The following SRGAP2B variants were observed in gnomAD, a reference collection of about 807,000 sequenced individuals.
SRGAP2B encodes the protein SLIT-ROBO Rho GTPase-activating protein 2B.
A neutral mutation model predicts 22.2 loss-of-function variants in SRGAP2B; 9 were observed. That is an observed-to-expected ratio of 0.41 (90% CI 0.24 to 0.71). The LOEUF is 0.71. Among genes scored for constraint, SRGAP2B ranks in the 30% least tolerant of loss-of-function variants. The probability of loss-of-function intolerance (pLI) is 0.35; values close to 1 mark genes in which losing one functional copy is unlikely to be tolerated. For synonymous variants in SRGAP2B, 36 were observed against 87.4 expected, an observed-to-expected ratio of 0.41 and a Z score of 3.28; for missense variants, 114 against 235.8, an observed-to-expected ratio of 0.48 and a Z score of 3.38.
chr1:145,076,522 C>G (rs539565), intron 2 of SRGAP2B, among the ~76,000 whole-genome samples: 9 of 149,892 alleles, frequency 6.0e-5, no homozygotes, highest in Admixed American at 1.3e-4. Context: ...AGTCTTCAGA[C>G]ACTTGTGCTG....
intron 2 of SRGAP2B, among the ~76,000 whole-genome samples, chr1:145,081,414 G>A (rs587775022): frequency 2.7e-4 from 40 of 150,880 alleles, no homozygotes; most frequent in Non-Finnish European, 5.2e-4. Flanking sequence ...GAGACCTTAG[G>A]TGAGTTATCT....
chr1:144,925,700 G>T (rs1410811354), intron 4 of SRGAP2B, among the ~76,000 whole-genome samples: 1 of 140,928 alleles, frequency 7.1e-6, no homozygotes, highest in Non-Finnish European at 1.5e-5. Flanking sequence ...GGGGCAGAGA[G>T]AGAGAGAAAG....
chr1:144,964,579 G>C (rs4844447), intron 3 of SRGAP2B, among the ~76,000 whole-genome samples: 1 of 150,832 alleles, frequency 6.6e-6, no homozygotes, highest in Admixed American at 6.6e-5. Flanking sequence ...TCAAATTAGC[G>C]AGTTCAGGTC....
intron 2 of SRGAP2B, among the ~76,000 whole-genome samples, chr1:145,006,798 C>T (rs1163904525): frequency 2.0e-5 from 3 of 150,624 alleles, no homozygotes; most frequent in Non-Finnish European, 4.4e-5. Flanking sequence ...TTATTATGTG[C>T]CAAGTAGGCT....
At chr1:145,007,802 C>CTTTT (rs880001624) in intron 2 of SRGAP2B, among the ~76,000 whole-genome samples, 174 of 101,140 alleles carry the variant, frequency 1.7e-3, no homozygotes, top group African/African-American at 3.3e-3. Flanking sequence ...ATTTCTTCTT[C>CTTTT]TTTTTTTTTT....
At chr1:145,021,749 G>A (rs1363507114) in intron 2 of SRGAP2B, among the ~76,000 whole-genome samples, 2 of 149,208 alleles carry the variant, frequency 1.3e-5, no homozygotes, top group African/African-American at 5.1e-5. Flanking sequence ...AGGAGGCAGA[G>A]GTTGCCGTGA....
At chr1:145,083,191 G>A (rs1349305391) in intron 2 of SRGAP2B, among the ~76,000 whole-genome samples, 4 of 144,532 alleles carry the variant, frequency 2.8e-5, no homozygotes, top group Non-Finnish European at 5.9e-5. Context: ...AGGCTTCCTG[G>A]AGGGGTGGCA....
intron 2 of SRGAP2B, among the ~76,000 whole-genome samples, chr1:145,025,127 G>T (rs1647584313): frequency 2.9e-5 from 2 of 68,312 alleles, no homozygotes; most frequent in Admixed American, 3.3e-4. Context: ...GTCCTCAAGG[G>T]TTGCTCTGGG....
At chr1:144,918,319 G>A (rs1664017435) in intron 4 of SRGAP2B, 1 of 149,588 alleles carries the variant, frequency 6.7e-6, no homozygotes, top group Non-Finnish European at 1.5e-5. Flanking sequence ...ATGTGGTACA[G>A]TTAACAATGC....
chr1:145,073,582 TA>T, intron 2 of SRGAP2B, among the ~76,000 whole-genome samples: 1 of 101,464 alleles, frequency 9.9e-6, no homozygotes, highest in Admixed American at 1.1e-4. Context: ...AGATCCAAGA[TA>T]AAAGAACCAG....
At chr1:145,036,323 G>C (rs1365326661) in intron 2 of SRGAP2B, among the ~76,000 whole-genome samples, 1 of 145,238 alleles carries the variant, frequency 6.9e-6, no homozygotes, top group Non-Finnish European at 1.5e-5. Flanking sequence ...CTGTCAATAT[G>C]CTTCCCAACC....
chr1:145,065,272 T>C (rs1380736828), intron 2 of SRGAP2B, among the ~76,000 whole-genome samples: 10 of 151,328 alleles, frequency 6.6e-5, no homozygotes, highest in Non-Finnish European at 1.3e-4. Context: ...AGATATGGAA[T>C]TCAGACTGCT....
rs1422177161 is a variant in SRGAP2B, at chr1:144,943,294, A to C, written c.423+12145T>G. On this transcript the variant is annotated intron_variant, in intron 4 of 9. Transcript: ENST00000612199. ...TACTGGCTTGGACAAACTAGTTGTC[A>C]AAGAGATTTTTTGAGTAATTAATTA... 4.7e-5 allele frequency among the ~76,000 whole-genome samples: 7 copies of C among 148,676 alleles called. No homozygotes were observed. The East Asian group carries it at 1.4e-3, about 29-fold the overall frequency.
At chr1:144,965,301 G>A (rs1667995257) in intron 3 of SRGAP2B, among the ~76,000 whole-genome samples, 2 of 146,388 alleles carry the variant, frequency 1.4e-5, no homozygotes, top group South Asian at 2.1e-4. Context: ...CTGAGAACGG[G>A]CAGACTGCCT....
At chr1:144,983,745 T>A (rs1669484869) in intron 3 of SRGAP2B, among the ~76,000 whole-genome samples, 2 of 144,304 alleles carry the variant, frequency 1.4e-5, no homozygotes, top group South Asian at 4.4e-4. Context: ...AATCTGAGTA[T>A]CACAGATGAT....
chr1:144,966,246 G>A (rs1553612225), intron 3 of SRGAP2B, among the ~76,000 whole-genome samples: 1 of 149,802 alleles, frequency 6.7e-6, no homozygotes, highest in East Asian at 1.9e-4. Context: ...AGAGAGAAAG[G>A]TCGGGTTACC....
At chr1:144,984,456 C>A (rs1216153860) in intron 3 of SRGAP2B, among the ~76,000 whole-genome samples, 1 of 149,422 alleles carries the variant, frequency 6.7e-6, no homozygotes, top group Non-Finnish European at 1.5e-5. Flanking sequence ...ACTTTACAGA[C>A]CTCTTTCTTT....
intron 4 of SRGAP2B, among the ~76,000 whole-genome samples, chr1:144,922,700 T>A (rs1452513081): frequency 2.0e-5 from 3 of 150,090 alleles, no homozygotes; most frequent in African/African-American, 7.5e-5. Flanking sequence ...ACAACTAGGA[T>A]ATGGTTCGAC....
chr1:144,994,562 G>GTT (rs1553618078), intron 3 of SRGAP2B, among the ~76,000 whole-genome samples: 5 of 35,050 alleles, frequency 1.4e-4, no homozygotes, highest in Non-Finnish European at 3.0e-4. Context: ...GTGTGTGTGT[G>GTT]TGTGTGAGAG....
Sources: allele counts gnomAD v4.1 joint callset (sites outside exome capture counted in the v4.1 genomes callset), GRCh38; gene constraint gnomAD v4.1.1; transcripts MANE v1.5; gene names NCBI Gene and HGNC (gene_info 2026-07-23, HGNC 2026-07-21).